Variants in ASH1L observed in about 807,000 individuals in gnomAD.
The protein encoded by ASH1L is ASH1 like histone lysine methyltransferase, also known as histone-lysine N-methyltransferase ASH1L.
In ASH1L, 23 loss-of-function variants were observed where a neutral mutation model predicts 269.0. That is an observed-to-expected ratio of 0.09 (90% CI 0.06 to 0.12). The LOEUF is 0.12. ASH1L is among the 10% of genes least tolerant of loss of function. ASH1L has a pLI of 1.00. For missense variants in ASH1L, 2,912 were observed against 3,567.8 expected (o/e 0.82, Z 4.68); for synonymous variants, 1,187 against 1,253.5 (o/e 0.95, Z 1.12).
chr1:155,423,702 T>C (rs917920694), intron 5 of ASH1L, among the ~76,000 whole-genome samples: 2 of 152,238 alleles, frequency 1.3e-5, no homozygotes, highest in African/African-American at 4.8e-5. Context: ...AAAATTCCTT[T>C]TCTTTTTTCA....
intron 15 of ASH1L, among the ~76,000 whole-genome samples, chr1:155,356,389 C>T (rs1034859970): frequency 1.3e-5 from 2 of 151,950 alleles, no homozygotes; most frequent in African/African-American, 4.8e-5. Flanking sequence ...AATCCCAGCA[C>T]TTGGGGAGGC....
intron 7 of ASH1L, among the ~76,000 whole-genome samples, chr1:155,395,157 T>A (rs940835289): frequency 1.3e-5 from 2 of 152,090 alleles, no homozygotes; most frequent in East Asian, 3.9e-4. Flanking sequence ...GGCCATCAAC[T>A]CCTGGGCTCA....
chr1:155,423,593 A>C (rs1660896959), intron 5 of ASH1L, among the ~76,000 whole-genome samples: 1 of 151,906 alleles, frequency 6.6e-6, no homozygotes, highest in Non-Finnish European at 1.5e-5. Flanking sequence ...CAAAACAAAA[A>C]CAAAAAAACC....
chr1:155,381,151 G>T (rs1250463925), intron 7 of ASH1L, among the ~76,000 whole-genome samples: 8 of 152,144 alleles, frequency 5.3e-5, no homozygotes, highest in African/African-American at 1.9e-4. Flanking sequence ...AAGCATAGCA[G>T]ACATAATTAG....
intron 1 of ASH1L, among the ~76,000 whole-genome samples, chr1:155,550,080 G>A (rs1671094514): frequency 6.6e-6 from 1 of 151,902 alleles, no homozygotes; most frequent in Middle Eastern, 3.2e-3. Flanking sequence ...GAGTGCCGTG[G>A]CGTAATCTCA....
chr1:155,371,763 G>A (rs1571026223), intron 10 of ASH1L, among the ~76,000 whole-genome samples: 3 of 145,198 alleles, frequency 2.1e-5, no homozygotes, highest in South Asian at 2.2e-4. Context: ...GCACAATCTC[G>A]GCTCACTGCA....
intron 12 of ASH1L, among the ~76,000 whole-genome samples, chr1:155,361,592 G>A (rs1473115396): frequency 3.4e-5 from 5 of 149,148 alleles, no homozygotes; most frequent in Admixed American, 2.0e-4. Flanking sequence ...CCAGCTACTC[G>A]GGAGGCTGAG....
chr1:155,379,489 T>C (rs978935539), intron 8 of ASH1L, among the ~76,000 whole-genome samples: 1 of 152,170 alleles, frequency 6.6e-6, no homozygotes, highest in Non-Finnish European at 1.5e-5. Flanking sequence ...TATAAGCTAA[T>C]ACAAAAATCA....
intron 4 of ASH1L, among the ~76,000 whole-genome samples, chr1:155,451,807 C>T (rs116030889): frequency 3.3e-5 from 5 of 152,210 alleles, no homozygotes; most frequent in South Asian, 2.1e-4. Context: ...CGGCAGCCTC[C>T]GCCTCCAAGT....
intron 1 of ASH1L, among the ~76,000 whole-genome samples, chr1:155,526,684 C>CAGA (rs368710809): frequency 1.6e-3 from 240 of 152,272 alleles, no homozygotes; most frequent in African/African-American, 5.6e-3. Context: ...CAGTAACAAA[C>CAGA]AGAAAAGTGC....
intron 1 of ASH1L, among the ~76,000 whole-genome samples, chr1:155,531,610 A>C (rs1363889068): frequency 6.6e-6 from 1 of 152,174 alleles, no homozygotes; most frequent in Non-Finnish European, 1.5e-5. Context: ...CAGAGTACCA[A>C]TAAACTGAAA....
intron 5 of ASH1L, among the ~76,000 whole-genome samples, chr1:155,423,884 C>T (rs1289613202): frequency 6.6e-6 from 1 of 152,090 alleles, no homozygotes; most frequent in African/African-American, 2.4e-5. Flanking sequence ...CGCCCGCCAC[C>T]ACTCCTAATT....
At chr1:155,464,352 T>C (rs932821300) in intron 3 of ASH1L, among the ~76,000 whole-genome samples, 1 of 152,150 alleles carries the variant, frequency 6.6e-6, no homozygotes, top group Non-Finnish European at 1.5e-5. Flanking sequence ...TAAAGCAGAA[T>C]AAGTATTTCA....
chr1:155,543,131 G>T (rs1417348822), intron 1 of ASH1L, among the ~76,000 whole-genome samples: 2 of 152,044 alleles, frequency 1.3e-5, no homozygotes, highest in Non-Finnish European at 2.9e-5. Flanking sequence ...TAAGTATCTT[G>T]TAGAAGGAAA....
chr1:155,365,853 C>A (rs898054650), intron 12 of ASH1L, among the ~76,000 whole-genome samples: 1 of 152,132 alleles, frequency 6.6e-6, no homozygotes, highest in Admixed American at 6.6e-5. Context: ...TCTTCTCTAC[C>A]TTGGATACAA....
At chr1:155,406,246 G>T (rs1571124452) in intron 6 of ASH1L, among the ~76,000 whole-genome samples, 3 of 146,732 alleles carry the variant, frequency 2.0e-5, no homozygotes, top group South Asian at 4.4e-4. Flanking sequence ...TTCCCAAATT[G>T]ATCTAGAGTC....
intron 1 of ASH1L, among the ~76,000 whole-genome samples, chr1:155,530,106 T>A (rs1669558713): frequency 6.6e-6 from 1 of 152,132 alleles, no homozygotes; most frequent in Admixed American, 6.5e-5. Flanking sequence ...CATATCTTGC[T>A]CTTTCACTTC....
At chr1:155,406,263 G>A (rs181777426) in intron 6 of ASH1L, among the ~76,000 whole-genome samples, 5 of 148,530 alleles carry the variant, frequency 3.4e-5, no homozygotes, top group Admixed American at 6.7e-5. Context: ...AGTCTGTGAA[G>A]ATTCCAGTTG....
At chr1:155,459,704 C>T (rs535730697) in intron 4 of ASH1L, 93 bp downstream of exon 4, 4 of 943,062 alleles carry the variant, frequency 4.2e-6, no homozygotes, top group Non-Finnish European at 6.7e-6. Context: ...ATGATACAGT[C>T]CCCATTATTT....
Sources: gnomAD v4.1 joint callset for allele counts (sites outside exome capture counted in the v4.1 genomes callset) on GRCh38, gnomAD v4.1.1 for gene constraint, MANE v1.5 for transcripts, NCBI Gene and HGNC (gene_info 2026-07-23, HGNC 2026-07-21) for gene names.